The following HECW1 variants were observed in gnomAD, a reference collection of about 807,000 sequenced individuals.
HECW1 encodes HECT, C2 and WW domain containing E3 ubiquitin protein ligase 1, also known as E3 ubiquitin-protein ligase HECW1.
In HECW1, 61 loss-of-function variants were observed where a neutral mutation model predicts 182.3. That is an observed-to-expected ratio of 0.33 (90% CI 0.27 to 0.41). HECW1 has a LOEUF of 0.41. Among genes scored for constraint, HECW1 ranks in the 10% least tolerant of loss-of-function variants. The pLI is 1.00. For missense variants in HECW1, 1,739 were observed against 2,108.9 expected, an observed-to-expected ratio of 0.82 and a Z score of 3.44; for synonymous variants, 859 against 832.6, an observed-to-expected ratio of 1.03 and a Z score of -0.55.
intron 2 of HECW1, among the ~76,000 whole-genome samples, chr7:43,138,828 A>G (rs1320827541): frequency 6.6e-6 from 1 of 152,126 alleles, no homozygotes; most frequent in Non-Finnish European, 1.5e-5. Context: ...TGGGTGAGAG[A>G]TTTTAAATGT....
At chr7:43,535,752 C>T (rs2081157262) in intron 24 of HECW1, among the ~76,000 whole-genome samples, 1 of 152,172 alleles carries the variant, frequency 6.6e-6, no homozygotes, top group African/African-American at 2.4e-5. Context: ...ATGTATGCCC[C>T]TGCTCTCACC....
rs754806379 is a variant in HECW1 at position 43,315,468 on chromosome 7, A to G, written c.352+3381A>G. On this transcript the variant is annotated intron_variant, in intron 4 of 29. Coordinates refer to ENST00000395891, the MANE Select transcript of HECW1 (RefSeq NM_015052.5). The stretch of plus-strand genomic sequence containing the variant: ...TATCTCCCGTCCCATTATTATTGTT[A>G]TTATTATTATTATTATTATTATTAT... Among the ~76,000 whole-genome samples, 4 of 50,402 alleles carry G rather than the reference A, an allele frequency of 7.9e-5. No individual in the cohort carries two copies. The South Asian group carries it at 3.2e-3, about 41-fold the overall frequency. The allele number at this position is 50,402 out of a possible 152,430, so 33.1% of individuals were successfully genotyped here.
intron 2 of HECW1, among the ~76,000 whole-genome samples, chr7:43,133,210 T>TTA (rs1269648104): frequency 1.3e-5 from 2 of 151,790 alleles, no homozygotes; most frequent in African/African-American, 2.4e-5. Flanking sequence ...GTGTTTAGTT[T>TTA]TATATATATA....
intron 3 of HECW1, among the ~76,000 whole-genome samples, chr7:43,270,932 C>T (rs1224754005): frequency 6.6e-6 from 1 of 151,914 alleles, no homozygotes; most frequent in Non-Finnish European, 1.5e-5. Context: ...TGAAGAAAAC[C>T]ATAAAATTTC....
rs145364216 is a variant in HECW1 at position 43,548,301 on chromosome 7, C to T, written c.4249-2144C>T. Among the ~76,000 whole-genome samples, 408 of 151,712 alleles carry T rather than the reference C, an allele frequency of 2.7e-3. 7 individuals carry two copies. Among genetic ancestry groups the T allele is most frequent in the East Asian group, 0.022 (116 of 5,178 alleles). On this transcript the variant is annotated intron_variant, in intron 26 of 29. Coordinates refer to ENST00000395891, the MANE Select transcript of HECW1 (RefSeq NM_015052.5). Reference sequence around the variant, plus strand: ...ATTTTCTAGGTATGCAGGTCATCTGCGAGTTTTTTCAAATTGTTGTAAGTC... The same window carrying T: ...ATTTTCTAGGTATGCAGGTCATCTGTGAGTTTTTTCAAATTGTTGTAAGTC...
intron 5 of HECW1, among the ~76,000 whole-genome samples, chr7:43,350,010 G>A (rs1814208834): frequency 6.6e-6 from 1 of 152,152 alleles, no homozygotes; most frequent in Admixed American, 6.5e-5. Flanking sequence ...TTCAGGATTT[G>A]TTTCAAGATT....
intron 21 of HECW1, among the ~76,000 whole-genome samples, chr7:43,506,486 T>A (rs2079580511): frequency 6.6e-6 from 1 of 152,208 alleles, no homozygotes; most frequent in East Asian, 1.9e-4. Context: ...TAGTATATTA[T>A]TTTTATACTT....
chr7:43,520,620 A>AT (rs11453963), intron 24 of HECW1, among the ~76,000 whole-genome samples: 93,746 of 151,514 alleles, frequency 0.62, 31,323 homozygotes, highest in Non-Finnish European at 0.76. Flanking sequence ...CTCTTGAATT[A>AT]TTTTTTTATT....
intron 3 of HECW1, among the ~76,000 whole-genome samples, chr7:43,259,399 C>A (rs1372014445): frequency 4.0e-5 from 5 of 123,500 alleles, no homozygotes; most frequent in African/African-American, 1.4e-4. Flanking sequence ...AAAAAAAAAA[C>A]CGTTCAATAT....
chr7:43,360,863 C>A (rs1815789631), intron 5 of HECW1, 23 bp from the exon 6 acceptor site: 1 of 1,578,444 alleles, frequency 6.3e-7, no homozygotes, highest in Non-Finnish European at 8.7e-7. Flanking sequence ...ACTTCTCAGT[C>A]TCATTTTTTG....
Position 43,502,981 on chromosome 7 carries a change from T to G in HECW1, c.3631+1659T>G, listed in dbSNP as rs145771964. On this transcript the variant is annotated intron_variant, in intron 21 of 29. Coordinates refer to ENST00000395891, the MANE Select transcript of HECW1 (RefSeq NM_015052.5). Reference sequence around the variant, plus strand: ...ATGTCGCACTCAGAGTTAGTATCATTCAGTACTGCCGTAGGTCTCCAGACT... The same window carrying G: ...ATGTCGCACTCAGAGTTAGTATCATGCAGTACTGCCGTAGGTCTCCAGACT... Among the ~76,000 whole-genome samples, 10 of 152,312 alleles carry G rather than the reference T, an allele frequency of 6.6e-5. No homozygotes were observed. The East Asian group carries it at 1.9e-3, about 29-fold the overall frequency.
chr7:43,294,490 G>A (rs916368620), intron 3 of HECW1, among the ~76,000 whole-genome samples: 3 of 152,200 alleles, frequency 2.0e-5, no homozygotes, highest in African/African-American at 4.8e-5. Context: ...AGCTGCCACT[G>A]TTGCTGTAAA....
intron 2 of HECW1, among the ~76,000 whole-genome samples, chr7:43,187,103 G>C (rs1205608927): frequency 6.6e-6 from 1 of 152,232 alleles, no homozygotes; most frequent in Non-Finnish European, 1.5e-5. Context: ...CTGGTCTGCA[G>C]GGTCTGCTCC....
rs1163403718 is a variant in HECW1 at position 43,565,943 on chromosome 7, G to A, written c.*4017G>A. The A allele has an allele frequency of 2.1e-5, 4 of 193,740 alleles. No individual in the cohort carries two copies. The highest frequency in any genetic ancestry group is 4.6e-5 in the African/African-American group (2 of 43,052). The allele number at this position is 193,740 out of a possible 1,614,324, so 12.0% of individuals were successfully genotyped here. On this transcript the variant is annotated 3_prime_UTR_variant, in exon 30 of 30. Coordinates refer to ENST00000395891, the MANE Select transcript of HECW1 (RefSeq NM_015052.5). ...AAATGTCACGTGATACTCAGGCCGC[G>A]CTTTCTCTTCCATCACACCATCTTC...
At chr7:43,241,902 G>A (rs1798926346) in intron 2 of HECW1, among the ~76,000 whole-genome samples, 1 of 152,096 alleles carries the variant, frequency 6.6e-6, no homozygotes, top group South Asian at 2.1e-4. Flanking sequence ...AAGCACAGGG[G>A]AGGCCAAGGA....
At chr7:43,327,803 T>C (rs1810983331) in intron 5 of HECW1, among the ~76,000 whole-genome samples, 1 of 152,106 alleles carries the variant, frequency 6.6e-6, no homozygotes, top group Non-Finnish European at 1.5e-5. Context: ...TCATGCATCA[T>C]GTGATATCAT....
chr7:43,306,162 G>T (rs1807536562), intron 3 of HECW1, among the ~76,000 whole-genome samples: 1 of 152,190 alleles, frequency 6.6e-6, no homozygotes, highest in African/African-American at 2.4e-5. Flanking sequence ...CTCCCAAAGT[G>T]CTGGGATTAC....
At chr7:43,310,390 A>G (rs764619749) in intron 3 of HECW1, among the ~76,000 whole-genome samples, 1 of 152,222 alleles carries the variant, frequency 6.6e-6, no homozygotes, top group Non-Finnish European at 1.5e-5. Flanking sequence ...TCATACTGCT[A>G]TAGTGACAAG....
At chr7:43,199,035 C>T (rs1195154283) in intron 2 of HECW1, among the ~76,000 whole-genome samples, 1 of 152,192 alleles carries the variant, frequency 6.6e-6, no homozygotes, top group Non-Finnish European at 1.5e-5. Context: ...ACCACAAATC[C>T]GATATAAGAG....
Sources: gnomAD v4.1 joint callset for allele counts (sites outside exome capture counted in the v4.1 genomes callset) on GRCh38, gnomAD v4.1.1 for gene constraint, MANE v1.5 for transcripts, NCBI Gene and HGNC (gene_info 2026-07-23, HGNC 2026-07-21) for gene names.